Variants in DOCK5 observed in about 807,000 individuals in gnomAD.
The protein encoded by DOCK5 is dedicator of cytokinesis 5.
In DOCK5, 142 loss-of-function variants were observed where a neutral mutation model predicts 251.8. The observed-to-expected ratio is 0.56, with a 90% confidence interval of 0.49 to 0.65. The LOEUF (loss-of-function observed/expected upper bound fraction) is 0.65, where lower values mean the gene tolerates loss of function less well. Among genes scored for constraint, DOCK5 ranks in the 30% least tolerant of loss-of-function variants. The pLI is 0.00. For missense variants in DOCK5, 2,111 were observed against 2,312.3 expected (o/e 0.91, Z 1.79); for synonymous variants, 842 against 835.5 (o/e 1.01, Z -0.13).
chr8:25,318,490 C>G (rs1319820241), intron 14 of DOCK5, among the ~76,000 whole-genome samples: 5 of 145,432 alleles, frequency 3.4e-5, no homozygotes, highest in Admixed American at 6.9e-5. Context: ...TCCCCTCCCC[C>G]ACTTTTCCTC....
chr8:25,337,618 C>G (rs1007776306), intron 22 of DOCK5, among the ~76,000 whole-genome samples: 1 of 141,620 alleles, frequency 7.1e-6, no homozygotes, highest in African/African-American at 2.7e-5. Flanking sequence ...TGGAGTCTTG[C>G]TCTGTCGCCC....
intron 1 of DOCK5, among the ~76,000 whole-genome samples, chr8:25,235,628 A>T (rs1189244260): frequency 1.3e-5 from 2 of 152,064 alleles, no homozygotes; most frequent in East Asian, 1.9e-4. Context: ...ATTTAATGTC[A>T]TATTCATGTA....
intron 44 of DOCK5, among the ~76,000 whole-genome samples, chr8:25,395,080 T>G (rs1801323602): frequency 1.3e-5 from 2 of 152,154 alleles, no homozygotes; most frequent in Non-Finnish European, 1.5e-5. Context: ...AGCCCTAGCT[T>G]GTTTTCCTGC....
At chr8:25,265,363 A>G (rs983014478) in intron 2 of DOCK5, among the ~76,000 whole-genome samples, 1 of 151,828 alleles carries the variant, frequency 6.6e-6, no homozygotes, top group Admixed American at 6.5e-5. Flanking sequence ...GAACTCTGGC[A>G]ATGACATTTT....
intron 36 of DOCK5, 141 bp from the exon 37 acceptor site, chr8:25,374,423 G>A (rs1001420180): frequency 3.8e-6 from 3 of 785,570 alleles, no homozygotes; most frequent in East Asian, 2.6e-5. Context: ...TGAGCCCTGG[G>A]GCTTAAGGCT....
At position 25,412,926 on chromosome 8, in the gene DOCK5, G is replaced by C. The variant is rs1801656704; in HGVS notation, c.*1628G>C. On this transcript the variant is annotated 3_prime_UTR_variant, in exon 52 of 52. Transcript: ENST00000276440. ...TTAAGAAATGAGTATGCAGATTCTGGAAGGGGTGTGGAAAAGGTGATCCTT... is the reference window on the plus strand; with the variant it reads ...TTAAGAAATGAGTATGCAGATTCTGCAAGGGGTGTGGAAAAGGTGATCCTT... 1.3e-5 allele frequency: 2 copies of C among 152,184 alleles called. No homozygotes were observed. The highest frequency in any genetic ancestry group is 2.9e-5 in the Non-Finnish European group (2 of 68,046). The allele number at this position is 152,184 out of a possible 1,614,324, so 9.4% of individuals were successfully genotyped here.
intron 27 of DOCK5, among the ~76,000 whole-genome samples, chr8:25,353,512 C>T (rs1005127505): frequency 6.6e-6 from 1 of 151,932 alleles, no homozygotes; most frequent in African/African-American, 2.4e-5. Flanking sequence ...GAGAATTCCT[C>T]ATGTAAAATC....
intron 2 of DOCK5, 65 bp from the exon 3 acceptor site, chr8:25,268,780 T>G: frequency 7.3e-7 from 1 of 1,375,528 alleles, no homozygotes; most frequent in Non-Finnish European, 1.0e-6. Context: ...AGAGTATATA[T>G]TGCTAATAAC....
chr8:25,226,832 G>T (rs1232572752), intron 1 of DOCK5, among the ~76,000 whole-genome samples: 1 of 152,228 alleles, frequency 6.6e-6, no homozygotes, highest in African/African-American at 2.4e-5. Context: ...TGATCCACCC[G>T]TCTTGGCCTC....
intron 47 of DOCK5, among the ~76,000 whole-genome samples, chr8:25,401,618 C>T (rs759945976): frequency 5.3e-5 from 8 of 152,066 alleles, no homozygotes; most frequent in Non-Finnish European, 7.4e-5. Flanking sequence ...CCTGTAGTCC[C>T]GGCTATTCAG....
At chr8:25,343,123 T>A (rs1800279927) in intron 25 of DOCK5, among the ~76,000 whole-genome samples, 1 of 151,740 alleles carries the variant, frequency 6.6e-6, no homozygotes, top group South Asian at 2.1e-4. Flanking sequence ...CTCAGCCCCC[T>A]GAGTAGCTGG....
intron 48 of DOCK5, among the ~76,000 whole-genome samples, chr8:25,406,723 G>A (rs1181647052): frequency 6.6e-6 from 1 of 151,912 alleles, no homozygotes; most frequent in Non-Finnish European, 1.5e-5. Context: ...TGCCTCCTGG[G>A]TTCAAGCTAT....
At chr8:25,334,016 C>A (rs1423874881) in intron 20 of DOCK5, 80 bp from the exon 21 acceptor site, 21 of 1,032,680 alleles carry the variant, frequency 2.0e-5, no homozygotes, top group Non-Finnish European at 2.9e-5. Context: ...AAAGAAGGCA[C>A]CGAGATGTTA....
At chr8:25,233,015 TC>T (rs1802708801) in intron 1 of DOCK5, among the ~76,000 whole-genome samples, 1 of 152,070 alleles carries the variant, frequency 6.6e-6, no homozygotes, top group Non-Finnish European at 1.5e-5. Context: ...TGGGGAACCT[TC>T]TACACATCTC....
At chr8:25,298,450 G>C (rs1804673546) in intron 7 of DOCK5, among the ~76,000 whole-genome samples, 1 of 152,030 alleles carries the variant, frequency 6.6e-6, no homozygotes, top group African/African-American at 2.4e-5. Context: ...TGAATGTCTG[G>C]GATTCAAGGC....
chr8:25,231,799 A>G (rs1232178281), intron 1 of DOCK5, among the ~76,000 whole-genome samples: 4 of 152,156 alleles, frequency 2.6e-5, no homozygotes, highest in East Asian at 1.9e-4. Context: ...TTAACAGTTC[A>G]TTATGGTGTT....
rs1329336236 is a variant in DOCK5, at chr8:25,310,429, C to T, written c.1215C>T (p.Leu405=). ...AAGGCCTTTGGGTATCCTTGAAGCT[C>T]TTGCCCGGTGACCTCACCCAGGTTC... ...KGQGLWVSLK[L]LPGDLTQVQK... is the part of the protein sequence containing the mutation. The change falls in exon 13 of 52, where the codon CTC becomes CTT. Residue 405 remains leucine (L), a synonymous_variant. Coordinates refer to ENST00000276440, the MANE Select transcript of DOCK5 (RefSeq NM_024940.8). 2.5e-6 allele frequency: 4 copies of T among 1,613,574 alleles called. No homozygotes were observed. Among genetic ancestry groups the T allele is most frequent in the Admixed American group, 3.3e-5 (2 of 59,898 alleles).
chr8:25,350,758 C>A (rs1051742826), intron 26 of DOCK5, among the ~76,000 whole-genome samples: 1 of 152,072 alleles, frequency 6.6e-6, no homozygotes, highest in Non-Finnish European at 1.5e-5. Flanking sequence ...GAGAGAGATC[C>A]ACATCTGTGA....
chr8:25,203,659 G>C (rs1563306827), intron 1 of DOCK5, among the ~76,000 whole-genome samples: 1 of 152,140 alleles, frequency 6.6e-6, no homozygotes, highest in Non-Finnish European at 1.5e-5. Flanking sequence ...GGTGGCATGG[G>C]GATAGATTTT....
Sources: gnomAD v4.1 joint callset for allele counts (sites outside exome capture counted in the v4.1 genomes callset) on GRCh38, gnomAD v4.1.1 for gene constraint, MANE v1.5 for transcripts, NCBI Gene and HGNC (gene_info 2026-07-23, HGNC 2026-07-21) for gene names.